IL1RAPL2: variants seen among roughly 807,000 people sequenced by gnomAD.
The protein encoded by IL1RAPL2 is interleukin 1 receptor accessory protein like 2, also known as X-linked interleukin-1 receptor accessory protein-like 2.
Under a neutral mutation model 44.1 loss-of-function variants are expected in IL1RAPL2, and 3 were observed. The ratio of observed to expected loss-of-function variants is 0.07; its 90% confidence interval spans 0.03 to 0.18. The LOEUF is 0.18. Ranked by LOEUF, IL1RAPL2 falls within the 10% of genes least tolerant of loss-of-function variation. The pLI, the probability that IL1RAPL2 is intolerant of heterozygous loss-of-function variation, is 1.00. For synonymous variants in IL1RAPL2, 181 were observed against 178.8 expected, an observed-to-expected ratio of 1.01 and a Z score of -0.10; for missense variants, 391 against 496.4, an observed-to-expected ratio of 0.79 and a Z score of 2.02.
intron 1 of IL1RAPL2, among the ~76,000 whole-genome samples, chrX:104,583,244 C>A (rs1176005001): frequency 3.6e-5 from 4 of 111,026 alleles, no homozygotes; most frequent in Non-Finnish European, 7.5e-5. Flanking sequence ...TATTGAGGTA[C>A]AATTTACATA....
intron 1 of IL1RAPL2, among the ~76,000 whole-genome samples, chrX:104,610,493 C>T (rs1413803576): frequency 1.8e-5 from 2 of 112,151 alleles, no homozygotes; most frequent in Non-Finnish European, 3.8e-5. Flanking sequence ...TAATAATAGG[C>T]AGACAGCCAA....
At chrX:105,571,350 A>G (rs768529433) in intron 6 of IL1RAPL2, among the ~76,000 whole-genome samples, 1 of 112,197 alleles carries the variant, frequency 8.9e-6, no homozygotes, top group Non-Finnish European at 1.9e-5. Context: ...ATATTGATAA[A>G]TGATAATGAT....
chrX:104,585,479 G>T (rs1199137972), intron 1 of IL1RAPL2, among the ~76,000 whole-genome samples: 3 of 80,407 alleles, frequency 3.7e-5, no homozygotes, highest in Non-Finnish European at 6.9e-5. Flanking sequence ...GGGTACATGT[G>T]CAGGTTTGCT....
intron 3 of IL1RAPL2, among the ~76,000 whole-genome samples, chrX:105,225,929 C>T (rs888835327): frequency 5.4e-5 from 6 of 110,972 alleles, no homozygotes; most frequent in Non-Finnish European, 9.4e-5. Context: ...CTGCCTGCCT[C>T]GGCCTCCCAA....
chrX:104,915,745 A>T (rs924332716), intron 2 of IL1RAPL2, among the ~76,000 whole-genome samples: 1 of 111,790 alleles, frequency 8.9e-6, no homozygotes, highest in Non-Finnish European at 1.9e-5. Context: ...TAATTTTTGT[A>T]TAAGGTGTAA....
chrX:104,810,417 TAATAA>T (rs1430730291), intron 2 of IL1RAPL2, among the ~76,000 whole-genome samples: 1 of 110,755 alleles, frequency 9.0e-6, no homozygotes, highest in African/African-American at 3.3e-5. Flanking sequence ...AGTATAATAA[TAATAA>T]AAGAAAAGAA....
chrX:105,255,931 T>C (rs2034310703), intron 4 of IL1RAPL2, among the ~76,000 whole-genome samples: 1 of 112,402 alleles, frequency 8.9e-6, no homozygotes, highest in Admixed American at 9.4e-5. Context: ...TTGTCTTTAG[T>C]TCTGTTTATG....
intron 2 of IL1RAPL2, among the ~76,000 whole-genome samples, chrX:105,193,854 A>G (rs149264197): frequency 0.013 from 1,456 of 111,720 alleles, 28 homozygotes; most frequent in African/African-American, 0.045. Flanking sequence ...GGAGTTATTT[A>G]TTTGTTTGTT....
At chrX:104,676,932 C>G (rs185753425) in intron 2 of IL1RAPL2, among the ~76,000 whole-genome samples, 7 of 111,784 alleles carry the variant, frequency 6.3e-5, no homozygotes, top group African/African-American at 2.3e-4. Flanking sequence ...AGTTCTCGAG[C>G]CTTGGTTTTC....
chrX:104,859,816 A>C (rs1317439307), intron 2 of IL1RAPL2, among the ~76,000 whole-genome samples: 1 of 112,161 alleles, frequency 8.9e-6, no homozygotes, highest in East Asian at 2.8e-4. Context: ...TTCAGGCATG[A>C]ACCTAAAACT....
chrX:105,401,734 T>C (rs2035607638), intron 5 of IL1RAPL2, among the ~76,000 whole-genome samples: 1 of 110,533 alleles, frequency 9.0e-6, no homozygotes, highest in African/African-American at 3.3e-5. Context: ...TTTGGCCAAG[T>C]ATATGAAATT....
chrX:105,727,799 T>TAAC (rs2038364734), intron 7 of IL1RAPL2, among the ~76,000 whole-genome samples: 2 of 111,887 alleles, frequency 1.8e-5, no homozygotes, highest in Admixed American at 1.9e-4. Context: ...CAGGCATATA[T>TAAC]AACTTTTAAA....
intron 6 of IL1RAPL2, among the ~76,000 whole-genome samples, chrX:105,546,266 G>A (rs960629202): frequency 8.9e-6 from 1 of 111,887 alleles, no homozygotes; most frequent in Non-Finnish European, 1.9e-5. Context: ...AATTAACATA[G>A]TAGTTTACAT....
chrX:105,435,750 G>A (rs960902062), intron 5 of IL1RAPL2, among the ~76,000 whole-genome samples: 2 of 111,447 alleles, frequency 1.8e-5, no homozygotes, highest in African/African-American at 6.5e-5. Flanking sequence ...CAGTTACGTG[G>A]ATGAAGCTGG....
chrX:105,358,634 C>A (rs1273850394), intron 5 of IL1RAPL2, among the ~76,000 whole-genome samples: 1 of 101,898 alleles, frequency 9.8e-6, no homozygotes, highest in African/African-American at 3.7e-5. Flanking sequence ...GTGTTCACAC[C>A]ACTGCACTCC....
chrX:105,388,169 A>G, intron 5 of IL1RAPL2, among the ~76,000 whole-genome samples: 2 of 94,128 alleles, frequency 2.1e-5, no homozygotes, highest in South Asian at 5.1e-4. Context: ...AAAAAAAAAA[A>G]AAAAAAAAAA....
intron 1 of IL1RAPL2, among the ~76,000 whole-genome samples, chrX:104,590,366 A>T (rs944666953): frequency 2.7e-5 from 3 of 111,937 alleles, no homozygotes; most frequent in African/African-American, 9.8e-5. Flanking sequence ...TTTATCCTTG[A>T]CACACTTATC....
intron 2 of IL1RAPL2, among the ~76,000 whole-genome samples, chrX:104,821,293 C>T (rs1221398231): frequency 9.1e-6 from 1 of 110,413 alleles, no homozygotes; most frequent in East Asian, 2.8e-4. Context: ...ATGCGCAGAA[C>T]ATGCAGGTTT....
At chrX:105,005,310 G>A (rs2030922193) in intron 2 of IL1RAPL2, among the ~76,000 whole-genome samples, 1 of 111,309 alleles carries the variant, frequency 9.0e-6, no homozygotes, top group South Asian at 3.8e-4. Context: ...GAAATAGCCA[G>A]TTTAGTTGGT....
Sources: allele counts gnomAD v4.1 joint callset (sites outside exome capture counted in the v4.1 genomes callset), GRCh38; gene constraint gnomAD v4.1.1; transcripts MANE v1.5; gene names NCBI Gene and HGNC (gene_info 2026-07-23, HGNC 2026-07-21).